BCAS3: variants seen among roughly 807,000 people sequenced by gnomAD.
The protein encoded by BCAS3 is BCAS4/BCAS3 fusion.
A neutral mutation model predicts 116.1 loss-of-function variants in BCAS3; 53 were observed. The observed-to-expected ratio is 0.46, with a 90% CI of 0.37 to 0.57. BCAS3 has a LOEUF of 0.57. BCAS3 is among the 20% of genes least tolerant of loss of function. The probability of loss-of-function intolerance (pLI) is 0.00; values close to 1 mark genes in which losing one functional copy is unlikely to be tolerated. For missense variants in BCAS3, 917 were observed against 1,165.4 expected (o/e 0.79, Z 3.10); for synonymous variants, 391 against 408.2 (o/e 0.96, Z 0.51).
rs2072230811 is a variant in BCAS3, at chr17:61,078,413, A to G, written c.2211A>G (p.Ser737=). 3 of 1,614,064 alleles carry G rather than the reference A, an allele frequency of 1.9e-6. No homozygotes were observed. Among genetic ancestry groups the G allele is most frequent in the Non-Finnish European group, 2.5e-6 (3 of 1,180,028 alleles). ...TCCAGTTCAAAACCATCCATCCCTCAGGCCAAACCACAGTTATCTCATCCA... is the reference window on the plus strand; with the variant it reads ...TCCAGTTCAAAACCATCCATCCCTCGGGCCAAACCACAGTTATCTCATCCA... ...PQFQFKTIHP[S]GQTTVISSSS... Residue 737 remains serine (S), a synonymous_variant, in exon 21 of 24, where the codon TCA becomes TCG. Coordinates refer to ENST00000407086, the MANE Select transcript of BCAS3 (RefSeq NM_017679.5).
intron 22 of BCAS3, among the ~76,000 whole-genome samples, chr17:61,121,600 C>A (rs1397359461): frequency 1.3e-5 from 2 of 152,152 alleles, no homozygotes; most frequent in African/African-American, 4.8e-5. Flanking sequence ...ACGAAGGAAA[C>A]AGATCAAATT....
chr17:60,733,838 C>A (rs919151629), intron 5 of BCAS3, among the ~76,000 whole-genome samples: 1 of 152,020 alleles, frequency 6.6e-6, no homozygotes, highest in Non-Finnish European at 1.5e-5. Context: ...CAGATCCAGA[C>A]CTTGTCTCAA....
At chr17:60,974,488 A>G (rs758121630) in intron 14 of BCAS3, among the ~76,000 whole-genome samples, 2 of 152,194 alleles carry the variant, frequency 1.3e-5, no homozygotes, top group Non-Finnish European at 2.9e-5. Flanking sequence ...GAATTCTCAA[A>G]TCGATGAAAT....
intron 15 of BCAS3, among the ~76,000 whole-genome samples, chr17:60,992,652 G>C (rs1331461656): frequency 6.6e-6 from 1 of 151,968 alleles, no homozygotes; most frequent in Non-Finnish European, 1.5e-5. Flanking sequence ...TAACAAACTT[G>C]CACATGTGCC....
chr17:60,913,059 C>A (rs540044063), intron 12 of BCAS3, among the ~76,000 whole-genome samples: 3 of 151,880 alleles, frequency 2.0e-5, no homozygotes, highest in Admixed American at 2.0e-4. Flanking sequence ...TCTTTAAGTT[C>A]ATTAACTTTT....
At chr17:61,155,494 CA>C (rs11327492) in intron 22 of BCAS3, among the ~76,000 whole-genome samples, 99,811 of 125,500 alleles carry the variant, frequency 0.8, 40,658 homozygotes, top group Non-Finnish European at 0.92. Flanking sequence ...AGAGTGGTAG[CA>C]AAAAAAAAAA....
In BCAS3 at chr17:61,214,451, G is replaced by A. The variant is rs142182755; in HGVS notation, c.2425+129887G>A. On this transcript the variant is annotated intron_variant, in intron 22 of 23. Coordinates refer to ENST00000407086, the MANE Select transcript of BCAS3 (RefSeq NM_017679.5). The surrounding 1 kb of genome is among the most constrained non-coding windows in gnomAD (Gnocchi z 4.4). ...TGTAATCCCAGCACTTTGCAAGGCC[G>A]AGGCAGGTGGATCACAAGGTCAGGA... is the stretch of plus-strand genomic sequence containing the variant. Among the ~76,000 whole-genome samples, 1,743 of 151,996 alleles carry A rather than the reference G, an allele frequency of 0.011. 29 individuals are homozygous for A. Among genetic ancestry groups the A allele is most frequent in the African/African-American group, 0.039 (1,611 of 41,416 alleles).
intron 22 of BCAS3, among the ~76,000 whole-genome samples, chr17:61,091,089 A>G (rs552469465): frequency 6.6e-6 from 1 of 152,344 alleles, no homozygotes; most frequent in South Asian, 2.1e-4. Context: ...CAAAAGTAGA[A>G]GAAGCTATTG....
intron 19 of BCAS3, among the ~76,000 whole-genome samples, chr17:61,044,960 C>T (rs1330419291): frequency 6.6e-6 from 1 of 151,790 alleles, no homozygotes; most frequent in Non-Finnish European, 1.5e-5. Context: ...TGGGGTTTCA[C>T]CAGGTTGGCC....
At chr17:61,024,559 G>T (rs1311041914) in intron 16 of BCAS3, among the ~76,000 whole-genome samples, 1 of 151,864 alleles carries the variant, frequency 6.6e-6, no homozygotes, top group East Asian at 1.9e-4. Flanking sequence ...TGAGTTTTAC[G>T]GTGCATTTTA....
At chr17:60,699,747 G>A (rs1598136753) in intron 4 of BCAS3, among the ~76,000 whole-genome samples, 1 of 151,952 alleles carries the variant, frequency 6.6e-6, no homozygotes, top group Non-Finnish European at 1.5e-5. Context: ...TGGAGGTAAA[G>A]AGGTATGTCA....
chr17:60,889,037 C>A (rs80207341), intron 9 of BCAS3, among the ~76,000 whole-genome samples: 1,774 of 152,162 alleles, frequency 0.012, 35 homozygotes, highest in African/African-American at 0.039. Context: ...TTTACACATC[C>A]CTGTAATCAA....
In BCAS3 at chr17:60,902,724, G is replaced by A. The variant is rs1354291647; in HGVS notation, c.822+21G>A. 5.9e-6 allele frequency: 9 copies of A among 1,531,162 alleles called. No individual in the cohort carries two copies. The African/African-American group carries it at 6.9e-5, about 12-fold the overall frequency. 94.8% of individuals were successfully genotyped at this position (1,531,162 alleles called of 1,614,324 possible). On this transcript the variant is annotated intron_variant, in intron 11 of 23. Transcript: ENST00000407086. ...CTAAAGTGAGTACCTCCGAAATCTT[G>A]GAGAGTTGTGGTTATGTGTAGTAAT...
chr17:61,335,401 C>G (rs1165474142), intron 22 of BCAS3, among the ~76,000 whole-genome samples: 1 of 152,236 alleles, frequency 6.6e-6, no homozygotes, highest in African/African-American at 2.4e-5. Context: ...TGGGTCTCAT[C>G]AAAGGGTCTG....
In BCAS3 at chr17:61,346,369, A is replaced by G. The variant is rs1403766872; in HGVS notation, c.2426-21958A>G. Among the ~76,000 whole-genome samples, 1 of 152,202 alleles carries G rather than the reference A, an allele frequency of 6.6e-6. No homozygotes were observed. The highest frequency in any genetic ancestry group is 2.4e-5 in the African/African-American group (1 of 41,448). ...TTTAAATGCCTGAAAGGAATGTTATATGAGATGTCTAAAGTTCTGGCCTCC... is the reference window on the plus strand; with the variant it reads ...TTTAAATGCCTGAAAGGAATGTTATGTGAGATGTCTAAAGTTCTGGCCTCC... On this transcript the variant is annotated intron_variant, in intron 22 of 23. Transcript: ENST00000407086. The surrounding 1 kb of genome is among the most constrained non-coding windows in gnomAD (Gnocchi z 5.4).
intron 16 of BCAS3, among the ~76,000 whole-genome samples, chr17:61,033,333 T>C (rs1378330519): frequency 6.6e-6 from 1 of 152,142 alleles, no homozygotes; most frequent in Admixed American, 6.5e-5. Flanking sequence ...TTGCTTGCAC[T>C]CCTAAGAAGT....
At chr17:60,906,108 A>C (rs1442138472) in intron 11 of BCAS3, among the ~76,000 whole-genome samples, 1 of 152,148 alleles carries the variant, frequency 6.6e-6, no homozygotes, top group African/African-American at 2.4e-5. Flanking sequence ...TTGCAGCTTG[A>C]TCTTTCAGGC....
chr17:61,048,065 G>T (rs2068508125), intron 19 of BCAS3, among the ~76,000 whole-genome samples: 1 of 152,000 alleles, frequency 6.6e-6, no homozygotes, highest in Non-Finnish European at 1.5e-5. Flanking sequence ...GTACTTCCCT[G>T]TGTATTATTG....
chr17:60,913,101 G>A (rs2058602211), intron 12 of BCAS3, among the ~76,000 whole-genome samples: 1 of 151,928 alleles, frequency 6.6e-6, no homozygotes, highest in African/African-American at 2.4e-5. Flanking sequence ...CTTAATTTTG[G>A]AGTATGGAAA....
Sources: allele counts gnomAD v4.1 joint callset (sites outside exome capture counted in the v4.1 genomes callset), GRCh38; gene constraint gnomAD v4.1.1; non-coding constraint Gnocchi (gnomAD v3.1); transcripts MANE v1.5; gene names NCBI Gene and HGNC (gene_info 2026-07-23, HGNC 2026-07-21).